Variants in PCDH9 observed in about 807,000 individuals in gnomAD.
The protein encoded by PCDH9 is protocadherin-9.
Under a neutral mutation model 70.6 loss-of-function variants are expected in PCDH9, and 24 were observed. That is an observed-to-expected ratio of 0.34 (90% CI 0.25 to 0.48). The LOEUF (loss-of-function observed/expected upper bound fraction) is 0.48, where lower values mean the gene tolerates loss of function less well. Among genes scored for constraint, PCDH9 ranks in the 20% least tolerant of loss-of-function variants. PCDH9 has a pLI of 0.99. For missense variants in PCDH9, 1,281 were observed against 1,503.6 expected, an observed-to-expected ratio of 0.85 and a Z score of 2.45; for synonymous variants, 562 against 558.5, an observed-to-expected ratio of 1.01 and a Z score of -0.09.
At chr13:66,737,632 G>T (rs1244041687) in intron 3 of PCDH9, among the ~76,000 whole-genome samples, 1 of 152,174 alleles carries the variant, frequency 6.6e-6, no homozygotes, top group Non-Finnish European at 1.5e-5. Flanking sequence ...CAGGCCAGTG[G>T]GTGCGCGCAC....
intron 2 of PCDH9, among the ~76,000 whole-genome samples, chr13:66,905,297 T>C (rs751209269): frequency 6.6e-6 from 1 of 152,132 alleles, no homozygotes; most frequent in Non-Finnish European, 1.5e-5. Context: ...TTCATGCTGA[T>C]TAATCTTTTT....
intron 2 of PCDH9, among the ~76,000 whole-genome samples, chr13:66,967,018 T>A (rs1159045505): frequency 6.6e-6 from 1 of 152,024 alleles, no homozygotes; most frequent in East Asian, 1.9e-4. Flanking sequence ...AGTGCTAAAC[T>A]GGCAGATCAA....
chr13:67,021,291 C>T (rs1209980601), intron 2 of PCDH9, among the ~76,000 whole-genome samples: 1 of 152,164 alleles, frequency 6.6e-6, no homozygotes. Context: ...CTGCAAGAAC[C>T]ACTCATAGTT....
intron 2 of PCDH9, among the ~76,000 whole-genome samples, chr13:67,119,036 T>G (rs2086830683): frequency 6.6e-6 from 1 of 152,160 alleles, no homozygotes; most frequent in Non-Finnish European, 1.5e-5. Context: ...AAGCACAAAC[T>G]GTGTAAGATC....
chr13:66,520,629 T>C (rs928012895), intron 4 of PCDH9, among the ~76,000 whole-genome samples: 1 of 152,314 alleles, frequency 6.6e-6, no homozygotes, highest in South Asian at 2.1e-4. Context: ...GGTGGAATCT[T>C]CAAATCCTGT....
At position 67,009,263 on chromosome 13, in the gene PCDH9, C is replaced by T. The variant is rs553310054; in HGVS notation, c.3037-105658G>A. Among the ~76,000 whole-genome samples the T allele has an allele frequency of 7.2e-5, 11 of 152,076 alleles. No individual in the cohort carries two copies. The South Asian group carries it at 1.2e-3, about 17-fold the overall frequency. On this transcript the variant is annotated intron_variant, in intron 2 of 4. Coordinates refer to ENST00000377865, the MANE Select transcript of PCDH9 (RefSeq NM_203487.3). ...GATGATGGGACTGTACATTGAGAAG[C>T]GCAATTCTAACACACAGTTGCAAAC...
At chr13:66,882,891 G>A (rs985513179) in intron 3 of PCDH9, among the ~76,000 whole-genome samples, 26 of 152,122 alleles carry the variant, frequency 1.7e-4, no homozygotes, top group Non-Finnish European at 2.8e-4. Flanking sequence ...TACTGACCTC[G>A]TGAAGTCCTC....
intron 3 of PCDH9, among the ~76,000 whole-genome samples, chr13:66,836,584 C>G (rs1372389057): frequency 6.6e-6 from 1 of 152,124 alleles, no homozygotes; most frequent in Admixed American, 6.5e-5. Context: ...ACTCATTTCA[C>G]TAAGCAGTAA....
At chr13:66,706,508 A>G (rs2078713427) in intron 3 of PCDH9, among the ~76,000 whole-genome samples, 1 of 152,206 alleles carries the variant, frequency 6.6e-6, no homozygotes. Flanking sequence ...CACCTGGTAA[A>G]TATTACATGC....
intron 4 of PCDH9, among the ~76,000 whole-genome samples, chr13:66,622,088 C>G (rs1056938124): frequency 2.0e-5 from 3 of 152,234 alleles, no homozygotes; most frequent in Admixed American, 6.5e-5. Flanking sequence ...GGCTTAGCAC[C>G]CGGGCCAGCG....
chr13:66,482,706 A>C (rs1449064734), intron 4 of PCDH9, among the ~76,000 whole-genome samples: 1 of 152,180 alleles, frequency 6.6e-6, no homozygotes, highest in Non-Finnish European at 1.5e-5. Context: ...CAGTGTTTTT[A>C]TTGCTATAAC....
intron 4 of PCDH9, among the ~76,000 whole-genome samples, chr13:66,481,284 C>A (rs1252884399): frequency 1.3e-5 from 2 of 149,166 alleles, no homozygotes; most frequent in Non-Finnish European, 3.0e-5. Flanking sequence ...GTACATGTAC[C>A]CCAGAACTTA....
chr13:66,638,131 T>C (rs760792575), intron 3 of PCDH9, among the ~76,000 whole-genome samples: 5 of 152,158 alleles, frequency 3.3e-5, no homozygotes, highest in Admixed American at 2.0e-4. Flanking sequence ...CTACTCGAGC[T>C]GCTAATACTA....
chr13:67,157,573 C>A (rs1441827623), intron 2 of PCDH9, among the ~76,000 whole-genome samples: 1 of 152,068 alleles, frequency 6.6e-6, no homozygotes, highest in Non-Finnish European at 1.5e-5. Flanking sequence ...GACTCTCACA[C>A]CCATGCAACA....
chr13:66,672,933 C>T (rs1330227179), intron 3 of PCDH9, among the ~76,000 whole-genome samples: 1 of 152,112 alleles, frequency 6.6e-6, no homozygotes, highest in Non-Finnish European at 1.5e-5. Context: ...TTTACAAGCT[C>T]ATAGGTGGAA....
intron 2 of PCDH9, among the ~76,000 whole-genome samples, chr13:67,005,501 C>G (rs1271427673): frequency 6.6e-6 from 1 of 152,198 alleles, no homozygotes; most frequent in African/African-American, 2.4e-5. Flanking sequence ...CACACACACT[C>G]ATACTTTAAA....
At chr13:66,458,417 T>C (rs1433654878) in intron 4 of PCDH9, among the ~76,000 whole-genome samples, 1 of 152,078 alleles carries the variant, frequency 6.6e-6, no homozygotes, top group African/African-American at 2.4e-5. Flanking sequence ...ATGTATTGGA[T>C]TCTTAGGTTC....
At chr13:66,848,677 C>T (rs377482569) in intron 3 of PCDH9, among the ~76,000 whole-genome samples, 18 of 151,930 alleles carry the variant, frequency 1.2e-4, no homozygotes, top group African/African-American at 4.3e-4. Context: ...ACCTGTAATC[C>T]CAGCACTCTG....
At chr13:66,818,995 G>T in intron 3 of PCDH9, among the ~76,000 whole-genome samples, 1 of 151,692 alleles carries the variant, frequency 6.6e-6, no homozygotes, top group East Asian at 1.9e-4. Flanking sequence ...TATTTCAAAT[G>T]AAAATCCAAA....
Sources: gnomAD v4.1 joint callset for allele counts (sites outside exome capture counted in the v4.1 genomes callset) on GRCh38, gnomAD v4.1.1 for gene constraint, MANE v1.5 for transcripts, NCBI Gene and HGNC (gene_info 2026-07-23, HGNC 2026-07-21) for gene names.